MACROD2: variants seen among roughly 807,000 people sequenced by gnomAD.
MACROD2 encodes the protein ADP-ribose glycohydrolase MACROD2.
A neutral mutation model predicts 70.4 loss-of-function variants in MACROD2; 36 were observed. The observed-to-expected ratio is 0.51, with a 90% CI of 0.39 to 0.68. The LOEUF is 0.68. Ranked by LOEUF, MACROD2 falls within the 30% of genes least tolerant of loss-of-function variation. MACROD2 has a pLI of 0.00. For synonymous variants in MACROD2, 172 were observed against 178.8 expected, an observed-to-expected ratio of 0.96 and a Z score of 0.30; for missense variants, 496 against 538.4, an observed-to-expected ratio of 0.92 and a Z score of 0.78.
intron 8 of MACROD2, among the ~76,000 whole-genome samples, chr20:15,535,423 C>T (rs1600550857): frequency 6.6e-6 from 1 of 152,184 alleles, no homozygotes; most frequent in East Asian, 1.9e-4. Context: ...TTCTCAGCCT[C>T]CATCCTAAAC....
intron 5 of MACROD2, among the ~76,000 whole-genome samples, chr20:15,012,659 A>G (rs1247375260): frequency 6.6e-6 from 1 of 152,034 alleles, no homozygotes; most frequent in Non-Finnish European, 1.5e-5. Context: ...ATATTGAGCC[A>G]GTTGGTAATG....
intron 8 of MACROD2, among the ~76,000 whole-genome samples, chr20:15,510,830 C>G (rs1272207095): frequency 6.6e-6 from 1 of 152,190 alleles, no homozygotes; most frequent in Non-Finnish European, 1.5e-5. Flanking sequence ...AACGTGCTGT[C>G]CTGCAATCAG....
intron 5 of MACROD2, among the ~76,000 whole-genome samples, chr20:15,086,434 G>A (rs1372835199): frequency 2.0e-5 from 3 of 152,212 alleles, no homozygotes; most frequent in South Asian, 4.1e-4. Flanking sequence ...TCAACTAAGG[G>A]TCTTTATCAG....
At chr20:15,473,804 G>A (rs1026849058) in intron 7 of MACROD2, among the ~76,000 whole-genome samples, 2 of 152,160 alleles carry the variant, frequency 1.3e-5, no homozygotes, top group African/African-American at 4.8e-5. Flanking sequence ...CTTCACAAGT[G>A]ATATCCACGT....
intron 5 of MACROD2, among the ~76,000 whole-genome samples, chr20:14,965,844 C>A (rs1008864467): frequency 6.6e-6 from 1 of 152,036 alleles, no homozygotes; most frequent in African/African-American, 2.4e-5. Context: ...TTAAAAATCT[C>A]ATTTTGCTTC....
intron 8 of MACROD2, among the ~76,000 whole-genome samples, chr20:15,743,871 A>G (rs1410512217): frequency 6.6e-6 from 1 of 152,174 alleles, no homozygotes; most frequent in Non-Finnish European, 1.5e-5. Flanking sequence ...TAGAATATCA[A>G]CTTATACAAA....
intron 8 of MACROD2, among the ~76,000 whole-genome samples, chr20:15,506,821 C>G (rs2146503993): frequency 6.6e-6 from 1 of 152,334 alleles, no homozygotes; most frequent in African/African-American, 2.4e-5. Context: ...GGTTAACATT[C>G]AGAGACCTGG....
chr20:16,002,894 TG>T (rs942248500), intron 15 of MACROD2, among the ~76,000 whole-genome samples: 10 of 152,176 alleles, frequency 6.6e-5, no homozygotes, highest in African/African-American at 2.4e-4. Context: ...TGTCTTCTTT[TG>T]GGTGGTGATG....
intron 8 of MACROD2, among the ~76,000 whole-genome samples, chr20:15,733,061 C>G (rs1267319327): frequency 6.6e-6 from 1 of 152,072 alleles, no homozygotes; most frequent in Non-Finnish European, 1.5e-5. Context: ...GTATGTTTTT[C>G]AAGTCCATTT....
At chr20:15,761,058 T>C (rs1488952595) in intron 8 of MACROD2, among the ~76,000 whole-genome samples, 1 of 152,248 alleles carries the variant, frequency 6.6e-6, no homozygotes, top group Non-Finnish European at 1.5e-5. Flanking sequence ...CGTTTTATTT[T>C]GTTTTGAGAC....
intron 3 of MACROD2, among the ~76,000 whole-genome samples, chr20:14,457,328 G>A (rs1038928869): frequency 1.3e-5 from 2 of 152,002 alleles, no homozygotes; most frequent in Admixed American, 1.3e-4. Context: ...GCTTTCAAAG[G>A]TTACTTTTAT....
At chr20:15,278,854 A>G (rs1197389158) in intron 6 of MACROD2, among the ~76,000 whole-genome samples, 1 of 152,202 alleles carries the variant, frequency 6.6e-6, no homozygotes. Context: ...TTTTGATTCC[A>G]AAACACTTAG....
At chr20:14,098,099 C>T (rs1384410302) in intron 3 of MACROD2, among the ~76,000 whole-genome samples, 2 of 152,198 alleles carry the variant, frequency 1.3e-5, no homozygotes, top group African/African-American at 2.4e-5. Flanking sequence ...GTACTTCACA[C>T]AGTGCCTTAT....
intron 9 of MACROD2, among the ~76,000 whole-genome samples, chr20:15,879,503 T>C (rs1397729774): frequency 6.6e-6 from 1 of 152,166 alleles, no homozygotes; most frequent in Non-Finnish European, 1.5e-5. Context: ...CTGTGCTTGA[T>C]TTTAATACAA....
At position 14,932,003 on chromosome 20, in the gene MACROD2, TA is replaced by T. The variant is rs11483683; in HGVS notation, c.418+247066del. Among the ~76,000 whole-genome samples, 1,212 of 135,888 alleles carry T rather than the reference TA, an allele frequency of 8.9e-3. 12 individuals carry two copies. The highest frequency in any genetic ancestry group is 0.027 in the African/African-American group (961 of 36,100). 89.1% of individuals were successfully genotyped at this position (135,888 alleles called of 152,430 possible). A position where few individuals can be genotyped will look rare whatever the true frequency, so the allele number is the denominator to read the frequency against. ...AGCAACAGAGTGAGACCCTGTTTCT[TA>T]AAAAAAAAAAAAAAAAAAAAATCCA... On this transcript the variant is annotated intron_variant, in intron 5 of 17. Coordinates refer to ENST00000684519, the MANE Select transcript of MACROD2 (RefSeq NM_001351661.2).
At chr20:15,576,961 T>C (rs6135447) in intron 8 of MACROD2, among the ~76,000 whole-genome samples, 1 of 152,136 alleles carries the variant, frequency 6.6e-6, no homozygotes, top group Admixed American at 6.5e-5. Context: ...ATGATTTCGG[T>C]GGTATTCTGC....
At chr20:14,083,953 C>T (rs1253783622) in intron 2 of MACROD2, among the ~76,000 whole-genome samples, 2 of 151,086 alleles carry the variant, frequency 1.3e-5, no homozygotes, top group South Asian at 2.1e-4. Context: ...CTCAGCTATT[C>T]GGAGAGGCTG....
intron 3 of MACROD2, among the ~76,000 whole-genome samples, chr20:14,197,636 G>T (rs2081443727): frequency 6.6e-6 from 1 of 152,052 alleles, no homozygotes; most frequent in African/African-American, 2.4e-5. Context: ...GTGTGGTGGT[G>T]GGCGCCTGTA....
chr20:14,810,828 C>G (rs2072700995), intron 5 of MACROD2, among the ~76,000 whole-genome samples: 1 of 152,094 alleles, frequency 6.6e-6, no homozygotes. Context: ...CGAGCAAACT[C>G]CCATTCACAA....
Sources: gnomAD v4.1 joint callset for allele counts (sites outside exome capture counted in the v4.1 genomes callset) on GRCh38, gnomAD v4.1.1 for gene constraint, MANE v1.5 for transcripts, NCBI Gene and HGNC (gene_info 2026-07-23, HGNC 2026-07-21) for gene names.